PCDHA4: variants seen among roughly 807,000 people sequenced by gnomAD.
The protein encoded by PCDHA4 is protocadherin alpha 4, also known as protocadherin alpha-4.
In PCDHA4, 49 loss-of-function variants were observed where a neutral mutation model predicts 61.4. The observed-to-expected ratio is 0.80, with a 90% CI of 0.63 to 1.01. The LOEUF (loss-of-function observed/expected upper bound fraction) is 1.01. PCDHA4 is among the 50% of genes least tolerant of loss of function. The probability of loss-of-function intolerance (pLI) is 0.00; values close to 1 mark genes in which losing one functional copy is unlikely to be tolerated. For missense variants in PCDHA4, 1,254 were observed against 1,235.8 expected (o/e 1.01, Z -0.22); for synonymous variants, 590 against 550.3 (o/e 1.07, Z -1.01).
At position 140,857,203 on chromosome 5, in the gene PCDHA4, C is replaced by T. The variant is rs781954201; in HGVS notation, c.2385+47631C>T. 1.0e-5 allele frequency: 16 copies of T among 1,598,514 alleles called. 1 individual carries two copies. In the Admixed American group the frequency reaches 2.4e-4, roughly 24 times the overall value. On this transcript the variant is annotated intron_variant, in intron 1 of 3. Transcript: ENST00000530339. ...ATTCAGGAGCCAACGGACAGGTCAC[C>T]TGCTCTCTGACGCCTCACGTTCCGT...
intron 3 of PCDHA4, among the ~76,000 whole-genome samples, chr5:141,008,123 G>A (rs1437358425): frequency 6.6e-6 from 1 of 152,144 alleles, no homozygotes; most frequent in East Asian, 1.9e-4. Context: ...GTTTCAAGAA[G>A]GGGATGACAA....
At chr5:140,883,697 G>A (rs376619145) in intron 1 of PCDHA4, 3 of 1,613,880 alleles carry the variant, frequency 1.9e-6, no homozygotes, top group South Asian at 1.1e-5. Flanking sequence ...CATCTTCACG[G>A]TGTCTGCTCA....
chr5:140,874,192 T>C (rs1263028873), intron 1 of PCDHA4, among the ~76,000 whole-genome samples: 4 of 152,224 alleles, frequency 2.6e-5, no homozygotes, highest in African/African-American at 9.6e-5. Flanking sequence ...GGTGTCATAT[T>C]TCAGTTGCCT....
intron 1 of PCDHA4, among the ~76,000 whole-genome samples, chr5:140,871,905 G>A (rs1457249186): frequency 6.6e-6 from 1 of 152,124 alleles, no homozygotes; most frequent in Non-Finnish European, 1.5e-5. Flanking sequence ...GCAGAGTTTT[G>A]CCTTGATATT....
chr5:140,817,721 A>G (rs1554127290), intron 1 of PCDHA4: 1 of 152,162 alleles, frequency 6.6e-6, no homozygotes, highest in Non-Finnish European at 1.5e-5. Flanking sequence ...GTTAACACCT[A>G]TATATGTTTC....
intron 1 of PCDHA4, among the ~76,000 whole-genome samples, chr5:140,964,713 A>C (rs2095850699): frequency 6.6e-6 from 1 of 152,070 alleles, no homozygotes; most frequent in South Asian, 2.1e-4. Flanking sequence ...TCCGAGATCA[A>C]ATTACCACAG....
intron 1 of PCDHA4, among the ~76,000 whole-genome samples, chr5:140,818,531 T>A (rs1766379937): frequency 6.6e-6 from 1 of 152,224 alleles, no homozygotes; most frequent in African/African-American, 2.4e-5. Flanking sequence ...AGATTATCAT[T>A]TTTCTCCATT....
chr5:140,835,849 T>A (rs2150246527), intron 1 of PCDHA4: 15 of 1,612,302 alleles, frequency 9.3e-6, no homozygotes, highest in Non-Finnish European at 1.3e-5. Flanking sequence ...AAGAACGCGC[T>A]GGTGTCCTAC....
chr5:140,870,902 C>G (rs2052520790), intron 1 of PCDHA4: 1 of 1,613,846 alleles, frequency 6.2e-7, no homozygotes. Flanking sequence ...GATGCGGACT[C>G]AGGCTACAAC....
At chr5:140,836,646 C>A (rs1554136175) in intron 1 of PCDHA4, 7 of 1,613,258 alleles carry the variant, frequency 4.3e-6, no homozygotes, top group Admixed American at 3.3e-5. Flanking sequence ...CCAGCAGAGG[C>A]GGCAGAGGGT....
chr5:141,000,774 G>A (rs1399583734), intron 3 of PCDHA4, among the ~76,000 whole-genome samples: 1 of 151,828 alleles, frequency 6.6e-6, no homozygotes, highest in Non-Finnish European at 1.5e-5. Context: ...AGGCATAGTG[G>A]CGCACACCTG....
At chr5:140,998,405 G>C (rs144117915) in intron 3 of PCDHA4, among the ~76,000 whole-genome samples, 226 of 152,208 alleles carry the variant, frequency 1.5e-3, no homozygotes, top group African/African-American at 5.2e-3. Flanking sequence ...TTATGCCAAA[G>C]TTTATCTACC....
At chr5:140,831,243 T>A (rs916636850) in intron 1 of PCDHA4, 1 of 152,224 alleles carries the variant, frequency 6.6e-6, no homozygotes, top group Admixed American at 6.6e-5. Context: ...GCATTGCGGC[T>A]CTCTTATTTC....
intron 1 of PCDHA4, chr5:140,928,845 T>C: frequency 6.2e-7 from 1 of 1,614,180 alleles, no homozygotes; most frequent in Non-Finnish European, 8.5e-7. Flanking sequence ...CCTCTGTCAC[T>C]CTGGGTGTGC....
intron 1 of PCDHA4, chr5:140,884,043 C>A (rs1196406346): frequency 6.2e-7 from 1 of 1,613,248 alleles, no homozygotes; most frequent in African/African-American, 1.3e-5. Flanking sequence ...CACGTGGTGG[C>A]GAAGGTGCGC....
At chr5:140,912,694 G>A (rs1328426442) in intron 1 of PCDHA4, among the ~76,000 whole-genome samples, 1 of 152,090 alleles carries the variant, frequency 6.6e-6, no homozygotes, top group Non-Finnish European at 1.5e-5. Flanking sequence ...GGTCTCAGGG[G>A]GAATGCTTTC....
intron 1 of PCDHA4, chr5:140,823,598 A>T: frequency 6.2e-7 from 1 of 1,614,002 alleles, no homozygotes; most frequent in Non-Finnish European, 8.5e-7. Context: ...TGGCTTTCGT[A>T]TGAGCTGCAG....
rs112376305 is a variant in PCDHA4, at chr5:140,821,957, G to A, written c.2385+12385G>A. The stretch of plus-strand genomic sequence containing the variant: ...CTGGAGCTGGCGGAGCTGGTGCCGC[G>A]CCTGTTCCGGGTGGCGTCCAAGGGC... On this transcript the variant is annotated intron_variant, in intron 1 of 3. Coordinates refer to ENST00000530339, the MANE Select transcript of PCDHA4 (RefSeq NM_018907.4). 511 of 1,614,186 alleles carry A rather than the reference G, an allele frequency of 3.2e-4. 2 individuals are homozygous for A. Among genetic ancestry groups the A allele is most frequent in the East Asian group, 1.1e-4 (5 of 44,890 alleles).
intron 1 of PCDHA4, chr5:140,861,365 G>T (rs2046879866): frequency 2.8e-6 from 1 of 359,244 alleles, no homozygotes; most frequent in Non-Finnish European, 5.7e-6. Context: ...GCGTCTTCGC[G>T]GTCCCTATTG....
Sources: allele counts gnomAD v4.1 joint callset (sites outside exome capture counted in the v4.1 genomes callset), GRCh38; gene constraint gnomAD v4.1.1; transcripts MANE v1.5; gene names NCBI Gene and HGNC (gene_info 2026-07-23, HGNC 2026-07-21).